Variants in KCNH7 observed in about 807,000 individuals in gnomAD.
KCNH7 encodes voltage-gated inwardly rectifying potassium channel KCNH7.
Under a neutral mutation model 120.8 loss-of-function variants are expected in KCNH7, and 49 were observed. The observed-to-expected ratio is 0.41, with a 90% CI of 0.32 to 0.51. KCNH7 has a LOEUF of 0.51. Ranked by LOEUF, KCNH7 falls within the 20% of genes least tolerant of loss-of-function variation. The probability of loss-of-function intolerance (pLI) is 0.38; values close to 1 mark genes in which losing one functional copy is unlikely to be tolerated. For missense variants in KCNH7, 1,097 were observed against 1,446.6 expected, an observed-to-expected ratio of 0.76 and a Z score of 3.92; for synonymous variants, 547 against 516.1, an observed-to-expected ratio of 1.06 and a Z score of -0.81.
chr2:162,424,320 TA>T (rs1687792758), intron 8 of KCNH7, among the ~76,000 whole-genome samples: 1 of 152,214 alleles, frequency 6.6e-6, no homozygotes, highest in Non-Finnish European at 1.5e-5. Flanking sequence ...TGGTGCTTCT[TA>T]CACTAAATCT....
intron 2 of KCNH7, among the ~76,000 whole-genome samples, chr2:162,643,347 CA>C (rs1321689773): frequency 2.7e-4 from 40 of 150,496 alleles, no homozygotes; most frequent in Admixed American, 2.5e-3. Context: ...CAAAAACAAA[CA>C]AAAAAACCCA....
intron 2 of KCNH7, among the ~76,000 whole-genome samples, chr2:162,550,716 T>C (rs998670172): frequency 5.3e-5 from 8 of 152,062 alleles, no homozygotes; most frequent in Admixed American, 2.0e-4. Context: ...CGTTTCAAAA[T>C]GTTTGAATCC....
intron 2 of KCNH7, among the ~76,000 whole-genome samples, chr2:162,710,965 A>T (rs1198451687): frequency 2.0e-5 from 3 of 152,160 alleles, no homozygotes; most frequent in African/African-American, 7.2e-5. Flanking sequence ...TCATATCATG[A>T]TCCTCTTCAA....
intron 2 of KCNH7, among the ~76,000 whole-genome samples, chr2:162,564,828 T>C (rs899409214): frequency 5.3e-5 from 8 of 152,170 alleles, no homozygotes; most frequent in African/African-American, 1.9e-4. Context: ...TATATCTTCT[T>C]CTGCATCAAA....
intron 6 of KCNH7, among the ~76,000 whole-genome samples, chr2:162,489,929 T>C (rs1405745975): frequency 6.6e-6 from 1 of 152,252 alleles, no homozygotes; most frequent in African/African-American, 2.4e-5. Context: ...CCAAATTTAA[T>C]CTGGAATTTT....
chr2:162,687,234 G>A (rs1430781648), intron 2 of KCNH7, among the ~76,000 whole-genome samples: 1 of 152,026 alleles, frequency 6.6e-6, no homozygotes, highest in Non-Finnish European at 1.5e-5. Flanking sequence ...ATGTAGTCAT[G>A]GAGAAAATGT....
intron 3 of KCNH7, among the ~76,000 whole-genome samples, chr2:162,529,056 T>C (rs1388488922): frequency 2.0e-5 from 3 of 152,004 alleles, no homozygotes; most frequent in African/African-American, 7.2e-5. Context: ...AAGGCAGTTC[T>C]TAGCTTGAAA....
intron 2 of KCNH7, among the ~76,000 whole-genome samples, chr2:162,581,985 T>C (rs1305342279): frequency 1.3e-5 from 2 of 152,096 alleles, no homozygotes; most frequent in Non-Finnish European, 2.9e-5. Context: ...AAGCTCAGTG[T>C]CTGCAGGAAG....
In KCNH7 at chr2:162,405,811, G is replaced by A. The variant is rs368094581; in HGVS notation, c.2155-5370C>T. Among the ~76,000 whole-genome samples the A allele has an allele frequency of 7.6e-4, 115 of 151,880 alleles. 2 individuals are homozygous for A. In the South Asian group the frequency reaches 0.014, roughly 18 times the overall value. On this transcript the variant is annotated intron_variant, in intron 9 of 15. Transcript: ENST00000332142. ...AATTATAGTATCTATTTTATGTGTT[G>A]GAGCACAAATGGAAAACAAGTTTAG...
intron 2 of KCNH7, among the ~76,000 whole-genome samples, chr2:162,655,443 A>T (rs2105267175): frequency 6.6e-6 from 1 of 152,260 alleles, no homozygotes; most frequent in Admixed American, 6.5e-5. Context: ...ATCTTGGACA[A>T]TCTAAAGCTT....
intron 2 of KCNH7, among the ~76,000 whole-genome samples, chr2:162,629,356 C>T (rs933608944): frequency 2.6e-5 from 4 of 152,014 alleles, no homozygotes; most frequent in East Asian, 1.9e-4. Flanking sequence ...CCCCCACCAT[C>T]GCTGTCAGAG....
chr2:162,590,639 A>G (rs143879540), intron 2 of KCNH7, among the ~76,000 whole-genome samples: 2 of 152,244 alleles, frequency 1.3e-5, no homozygotes, highest in East Asian at 3.9e-4. Context: ...CCAAATTATC[A>G]GCACAAAGTC....
At chr2:162,658,654 A>G (rs981691333) in intron 2 of KCNH7, among the ~76,000 whole-genome samples, 2 of 152,030 alleles carry the variant, frequency 1.3e-5, no homozygotes, top group African/African-American at 2.4e-5. Context: ...CTTTTGTCAG[A>G]GTTTTATAGT....
chr2:162,659,483 A>G (rs1684883077), intron 2 of KCNH7, among the ~76,000 whole-genome samples: 1 of 151,992 alleles, frequency 6.6e-6, no homozygotes. Context: ...CTGGGATTAC[A>G]GGCATGCGCC....
intron 6 of KCNH7, among the ~76,000 whole-genome samples, chr2:162,500,413 A>C (rs1690646437): frequency 6.7e-6 from 1 of 149,488 alleles, no homozygotes; most frequent in Admixed American, 6.7e-5. Context: ...CTTTTGAATG[A>C]ATAAACAAAT....
At chr2:162,607,324 A>G (rs1048803916) in intron 2 of KCNH7, among the ~76,000 whole-genome samples, 12 of 151,916 alleles carry the variant, frequency 7.9e-5, no homozygotes, top group Non-Finnish European at 1.0e-4. Context: ...CAGCAGGTGG[A>G]AGTTGCAGTG....
intron 2 of KCNH7, among the ~76,000 whole-genome samples, chr2:162,750,908 A>C (rs1375449570): frequency 6.6e-6 from 1 of 152,192 alleles, no homozygotes; most frequent in Non-Finnish European, 1.5e-5. Flanking sequence ...TTTTCATATT[A>C]TAATAAATAC....
At chr2:162,824,073 G>T (rs1685205938) in intron 2 of KCNH7, among the ~76,000 whole-genome samples, 1 of 152,060 alleles carries the variant, frequency 6.6e-6, no homozygotes, top group Non-Finnish European at 1.5e-5. Context: ...AAGATTTAAA[G>T]GCTGTAATCG....
At chr2:162,528,863 T>G (rs1691809884) in intron 3 of KCNH7, among the ~76,000 whole-genome samples, 1 of 151,898 alleles carries the variant, frequency 6.6e-6, no homozygotes. Flanking sequence ...ATGAGAGAGA[T>G]AGTTAAGAGA....
Sources: allele counts gnomAD v4.1 joint callset (sites outside exome capture counted in the v4.1 genomes callset), GRCh38; gene constraint gnomAD v4.1.1; transcripts MANE v1.5; gene names NCBI Gene and HGNC (gene_info 2026-07-23, HGNC 2026-07-21).